The following CDR2 variants were observed in gnomAD, a reference collection of about 807,000 sequenced individuals.
CDR2 encodes cerebellar degeneration related protein 2.
In CDR2, 34 loss-of-function variants were observed where a neutral mutation model predicts 48.4. The observed-to-expected ratio is 0.70, with a 90% confidence interval of 0.53 to 0.94. The LOEUF is 0.94. Ranked by LOEUF, CDR2 falls within the 40% of genes least tolerant of loss-of-function variation. CDR2 has a pLI of 0.00. For synonymous variants in CDR2, 240 were observed against 219.7 expected (o/e 1.09, Z -0.82); for missense variants, 498 against 549.5 (o/e 0.91, Z 0.94).
intron 1 of CDR2, among the ~76,000 whole-genome samples, chr16:22,366,563 G>A (rs1012795978): frequency 2.0e-5 from 3 of 152,106 alleles, no homozygotes; most frequent in Non-Finnish European, 4.4e-5. Context: ...CAGAGGCAAG[G>A]CAAGTGCAAA....
At chr16:22,367,995 A>G (rs76658038) in intron 1 of CDR2, among the ~76,000 whole-genome samples, 4,815 of 152,190 alleles carry the variant, frequency 0.032, 168 homozygotes, top group East Asian at 0.11. Flanking sequence ...GGTGAACCAG[A>G]TGGACTGCTT....
At position 22,349,291 on chromosome 16, in the gene CDR2, T is replaced by C; in HGVS notation, c.494A>G (p.Tyr165Cys). 3 of 1,614,214 alleles carry C rather than the reference T, an allele frequency of 1.9e-6. No homozygotes were observed. The highest frequency in any genetic ancestry group is 2.7e-5 in the African/African-American group (2 of 75,058). ...GGCAGGCTCTTACTGGCGGAGGTCATACAGCTCCTTCAGACATGCAAAGCT... is the reference window on the plus strand; with the variant it reads ...GGCAGGCTCTTACTGGCGGAGGTCACACAGCTCCTTCAGACATGCAAAGCT... ...APSFACLKEL[Y>C]DLRQHFVYDH... Residue 165 changes from tyrosine to cysteine, a missense_variant, in exon 4 of 5, where the codon TAT becomes TGT. Tyr to Cys is a radical substitution (Grantham distance 194, BLOSUM62 -2). Transcript: ENST00000268383.
Position 22,347,491 on chromosome 16 carries a change from T to C in CDR2, c.839A>G (p.Tyr280Cys), listed in dbSNP as rs1259138790. Reference sequence around the variant, plus strand: ...CTGGCTGGGCTCTTTGAAAGGAACATACAGAGAGTCTGGCACCAGCTTCTC... The same window carrying C: ...CTGGCTGGGCTCTTTGAAAGGAACACACAGAGAGTCTGGCACCAGCTTCTC... ...GVEKLVPDSLYVPFKEPSQSL... is the reference protein window; with the variant it reads ...GVEKLVPDSLCVPFKEPSQSL... The change falls in exon 5 of 5, where the codon TAT becomes TGT. Residue 280 changes from tyrosine (Y) to cysteine (C), a missense_variant. Coordinates refer to ENST00000268383, the MANE Select transcript of CDR2 (RefSeq NM_001802.2). The C allele has an allele frequency of 6.2e-7, 1 of 1,614,038 alleles. No individual in the cohort carries two copies. The highest frequency in any genetic ancestry group is 2.2e-5 in the East Asian group (1 of 44,878).
rs2049035586 is a variant in CDR2, at chr16:22,364,953, G to A, written c.141C>T (p.Asp47=). 1 of 1,613,706 alleles carries A rather than the reference G, an allele frequency of 6.2e-7. No individual in the cohort carries two copies. Among genetic ancestry groups the A allele is most frequent in the South Asian group, 1.1e-5 (1 of 91,076 alleles). ...TGGTTGTATACATCTGCTGAACAGAGTCCTCCAACTCTGTGTTCCGATCCA... is the reference window on the plus strand; with the variant it reads ...TGGTTGTATACATCTGCTGAACAGAATCCTCCAACTCTGTGTTCCGATCCA... The part of the protein sequence containing the change: ...TLLDRNTELE[D]SVQQMYTTNQ... Residue 47 remains aspartate, a synonymous_variant, in exon 2 of 5, where the codon GAC becomes GAT. Transcript: ENST00000268383.
At chr16:22,369,039 A>G (rs2141854149) in intron 1 of CDR2, 1 of 152,386 alleles carries the variant, frequency 6.6e-6, no homozygotes, top group East Asian at 1.9e-4. Context: ...AAGACAAAGT[A>G]TAAAAACATT....
chr16:22,368,153 A>G (rs767831180), intron 1 of CDR2, among the ~76,000 whole-genome samples: 23 of 152,206 alleles, frequency 1.5e-4, no homozygotes, highest in Admixed American at 2.6e-4. Context: ...CAAAACACAG[A>G]ACTTTTACAA....
At chr16:22,349,627 C>A in intron 3 of CDR2, 74 bp downstream of exon 3, 1 of 1,505,660 alleles carries the variant, frequency 6.6e-7, no homozygotes, top group South Asian at 1.2e-5. Flanking sequence ...AAACCCACTG[C>A]AGCCATGTTC....
chr16:22,360,641 ATTC>A (rs1421495702), intron 2 of CDR2, among the ~76,000 whole-genome samples: 1 of 150,872 alleles, frequency 6.6e-6, no homozygotes, highest in African/African-American at 2.4e-5. Flanking sequence ...TTCCCAGACC[ATTC>A]TTCTGGACTG....
At chr16:22,348,610 A>C (rs1055545144) in intron 4 of CDR2, among the ~76,000 whole-genome samples, 7 of 152,314 alleles carry the variant, frequency 4.6e-5, no homozygotes, top group African/African-American at 1.7e-4. Flanking sequence ...TTTTACCCGC[A>C]CCTAGAAATT....
chr16:22,359,421 G>C (rs943768896), intron 2 of CDR2, among the ~76,000 whole-genome samples: 1 of 152,050 alleles, frequency 6.6e-6, no homozygotes, highest in African/African-American at 2.4e-5. Flanking sequence ...CACCGCCACC[G>C]GCTCACTACT....
chr16:22,357,122 C>T (rs2048980092), intron 2 of CDR2, among the ~76,000 whole-genome samples: 1 of 152,118 alleles, frequency 6.6e-6, no homozygotes, highest in Non-Finnish European at 1.5e-5. Flanking sequence ...GATCTCAGCT[C>T]ACTGCAATCT....
At chr16:22,366,612 TGAG>T (rs1242919463) in intron 1 of CDR2, among the ~76,000 whole-genome samples, 2 of 151,516 alleles carry the variant, frequency 1.3e-5, no homozygotes, top group Non-Finnish European at 2.9e-5. Flanking sequence ...TTAAGGAGGC[TGAG>T]GAGGGTGGAG....
intron 1 of CDR2, among the ~76,000 whole-genome samples, chr16:22,373,583 T>C (rs185270529): frequency 2.6e-3 from 390 of 152,352 alleles, no homozygotes; most frequent in African/African-American, 8.5e-3. Flanking sequence ...AAGTGTGTAA[T>C]TGGATTGTTT....
chr16:22,352,686 GA>G (rs1003111606), intron 2 of CDR2, among the ~76,000 whole-genome samples: 16 of 149,516 alleles, frequency 1.1e-4, no homozygotes, highest in African/African-American at 2.9e-4. Flanking sequence ...AATTTAAGGG[GA>G]AAAAAAAAAT....
At chr16:22,355,673 A>C (rs2048970482) in intron 2 of CDR2, among the ~76,000 whole-genome samples, 1 of 152,220 alleles carries the variant, frequency 6.6e-6, no homozygotes, top group African/African-American at 2.4e-5. Flanking sequence ...AGAAATTAGA[A>C]GAGATAATAG....
chr16:22,371,855 T>C (rs1368661238), intron 1 of CDR2, among the ~76,000 whole-genome samples: 8 of 5,988 alleles, frequency 1.3e-3, no homozygotes, highest in Non-Finnish European at 9.2e-3. Context: ...GATATGTGTG[T>C]GTGTGTGTGT....
chr16:22,347,652 C>G lies in CDR2; in HGVS notation c.678G>C (p.Val226=). 1.2e-6 allele frequency: 2 copies of G among 1,614,158 alleles called. No homozygotes were observed. Among genetic ancestry groups the G allele is most frequent in the African/African-American group, 2.7e-5 (2 of 75,034 alleles). The part of the protein sequence containing the change: ...RVTMEEEYGL[V]LKENSELEQQ... ...GCTCCAGTTCACTGTTCTCCTTTAACACGAGCCCATATTCCTCCTCCATAG... is the reference window on the plus strand; with the variant it reads ...GCTCCAGTTCACTGTTCTCCTTTAAGACGAGCCCATATTCCTCCTCCATAG... Residue 226 remains valine (V), a synonymous_variant, in exon 5 of 5, where the codon GTG becomes GTC. Coordinates refer to ENST00000268383, the MANE Select transcript of CDR2 (RefSeq NM_001802.2).
At chr16:22,359,473 C>T (rs768232979) in intron 2 of CDR2, among the ~76,000 whole-genome samples, 2 of 152,034 alleles carry the variant, frequency 1.3e-5, no homozygotes, top group African/African-American at 2.4e-5. Context: ...CGATTTATAC[C>T]GTTCAAAATA....
chr16:22,360,165 TA>T (rs1567347266), intron 2 of CDR2, among the ~76,000 whole-genome samples: 1 of 152,166 alleles, frequency 6.6e-6, no homozygotes, highest in Non-Finnish European at 1.5e-5. Flanking sequence ...TAGCAAAGTG[TA>T]AATGAATCCA....
Sources: allele counts gnomAD v4.1 joint callset (sites outside exome capture counted in the v4.1 genomes callset), GRCh38; gene constraint gnomAD v4.1.1; transcripts MANE v1.5; gene names NCBI Gene and HGNC (gene_info 2026-07-23, HGNC 2026-07-21).